Variants in FBXO11 observed in about 807,000 individuals in gnomAD.
The protein encoded by FBXO11 is F-box only protein 11.
FBXO11 carries 13 observed loss-of-function variants against 117.0 expected under a neutral mutation model. The ratio of observed to expected loss-of-function variants is 0.11; its 90% CI spans 0.07 to 0.18. The LOEUF (loss-of-function observed/expected upper bound fraction) is 0.18. Among genes scored for constraint, FBXO11 ranks in the 10% least tolerant of loss-of-function variants. FBXO11 has a pLI of 1.00. For missense variants in FBXO11, 767 were observed against 1,164.4 expected (o/e 0.66, Z 4.97); for synonymous variants, 490 against 380.5 (o/e 1.29, Z -3.35).
rs1670533716 is a variant in FBXO11, at chr2:47,810,446, T to G, written c.2228-20A>C. The G allele has an allele frequency of 6.6e-7, 1 of 1,524,906 alleles. No individual in the cohort carries two copies. The highest frequency in any genetic ancestry group is 1.4e-5 in the African/African-American group (1 of 72,644). 94.5% of individuals were successfully genotyped at this position (1,524,906 alleles called of 1,614,324 possible). On this transcript the variant is annotated intron_variant, in intron 18 of 22. Transcript: ENST00000403359. ...GGAGACCTATAATAAAATATTTCCT[T>G]AGATTAAGGCTAATGCATATAACAG... is the stretch of plus-strand genomic sequence containing the variant.
At position 47,836,355 on chromosome 2, in the gene FBXO11, T is replaced by C. The variant is rs970737351; in HGVS notation, c.588-354A>G. On this transcript the variant is annotated intron_variant, in intron 4 of 22. Transcript: ENST00000403359. ...TTAAAATTTTCAGTGTAGTTGCATA[T>C]GGAAATTATGTTTTTTTCCTTTTTT... 2.6e-5 allele frequency among the ~76,000 whole-genome samples: 4 copies of C among 152,216 alleles called. No individual in the cohort carries two copies. The South Asian group carries it at 6.2e-4, about 24-fold the overall frequency.
intron 1 of FBXO11, among the ~76,000 whole-genome samples, chr2:47,899,919 T>C (rs1292706390): frequency 6.7e-6 from 1 of 149,818 alleles, no homozygotes; most frequent in Non-Finnish European, 1.5e-5. Flanking sequence ...TACTGTAAAC[T>C]GGTTATTTTC....
intron 20 of FBXO11, 44 bp from the exon 21 acceptor site, chr2:47,809,310 A>G (rs781195526): frequency 1.1e-4 from 145 of 1,293,356 alleles, no homozygotes; most frequent in Non-Finnish European, 1.5e-4. Flanking sequence ...AGGAATGTTA[A>G]TATTTTAAAA....
intron 21 of FBXO11, 53 bp downstream of exon 21, chr2:47,809,105 A>C (rs145978463): frequency 3.4e-6 from 4 of 1,186,182 alleles, no homozygotes; most frequent in Non-Finnish European, 4.9e-6. Context: ...TTGCTAATTT[A>C]AAAAGGAAAT....
At chr2:47,893,885 T>C (rs1677452225) in intron 1 of FBXO11, among the ~76,000 whole-genome samples, 1 of 152,234 alleles carries the variant, frequency 6.6e-6, no homozygotes, top group African/African-American at 2.4e-5. Flanking sequence ...TGAATGTGGC[T>C]ATGTGTTGAA....
chr2:47,892,844 T>C (rs192268090), intron 1 of FBXO11, among the ~76,000 whole-genome samples: 91 of 152,288 alleles, frequency 6.0e-4, no homozygotes, highest in African/African-American at 2.1e-3. Context: ...GCAGTTAATT[T>C]TCTTATCTAG....
intron 1 of FBXO11, among the ~76,000 whole-genome samples, chr2:47,847,257 A>G (rs956371193): frequency 6.6e-6 from 1 of 152,134 alleles, no homozygotes; most frequent in Non-Finnish European, 1.5e-5. Context: ...ACAAACAAAC[A>G]AAAAGAAATT....
At chr2:47,830,177 G>C (rs1031136789) in intron 11 of FBXO11, among the ~76,000 whole-genome samples, 1 of 152,060 alleles carries the variant, frequency 6.6e-6, no homozygotes, top group Non-Finnish European at 1.5e-5. Context: ...TGGATACTGA[G>C]GTAGAAGAGC....
chr2:47,897,425 G>T (rs1572924612), intron 1 of FBXO11, among the ~76,000 whole-genome samples: 1 of 152,176 alleles, frequency 6.6e-6, no homozygotes, highest in South Asian at 2.1e-4. Flanking sequence ...GGTCGGGTGA[G>T]GTGGCTCACG....
chr2:47,879,574 C>T (rs564693101), intron 1 of FBXO11, among the ~76,000 whole-genome samples: 3 of 152,252 alleles, frequency 2.0e-5, no homozygotes, highest in East Asian at 1.9e-4. Context: ...TATCTTTGCT[C>T]GGTTTTTATG....
chr2:47,820,588 C>G, intron 13 of FBXO11, 132 bp from the exon 14 acceptor site: 2 of 646,800 alleles, frequency 3.1e-6, no homozygotes, highest in Non-Finnish European at 5.3e-6. Flanking sequence ...ATTAAGAGAA[C>G]TAGAAGTGTA....
At position 47,905,956 on chromosome 2, in the gene FBXO11, G is replaced by A. The variant is rs952013435; in HGVS notation, c.-236C>T. ...CGGCCGGGAGGGCCTGACGCACGGG[G>A]AAGGCCGAAGCCGCCGGGCGGGGCG... On this transcript the variant is annotated 5_prime_UTR_variant, in exon 1 of 23. Coordinates refer to ENST00000403359, the MANE Select transcript of FBXO11 (RefSeq NM_001190274.2). 3.6e-5 allele frequency: 16 copies of A among 439,036 alleles called. No homozygotes were observed. The highest frequency in any genetic ancestry group is 2.7e-4 in the African/African-American group (13 of 48,256). 27.2% of individuals were successfully genotyped at this position (439,036 alleles called of 1,614,324 possible).
At chr2:47,896,208 A>T (rs999246227) in intron 1 of FBXO11, among the ~76,000 whole-genome samples, 2 of 152,202 alleles carry the variant, frequency 1.3e-5, no homozygotes, top group African/African-American at 4.8e-5. Flanking sequence ...CAGGAAAAGA[A>T]ATAAACACGT....
chr2:47,835,775 G>A (rs1572812824), intron 5 of FBXO11, 97 bp downstream of exon 5: 1 of 925,228 alleles, frequency 1.1e-6, no homozygotes, highest in East Asian at 3.2e-5. Context: ...TGGGATTACA[G>A]GTGTGAGCCA....
In FBXO11 at chr2:47,834,635, C is replaced by A. The variant is rs1254551699; in HGVS notation, c.878G>T (p.Gly293Val). Residue 293 changes from glycine to valine, a missense_variant, in exon 7 of 23, where the codon GGA (glycine) becomes GTA (valine). By Grantham distance (109) the Gly-to-Val change is moderately radical (BLOSUM62 -3). This residue lies in a region of FBXO11 where 123 missense variants were observed against 145.0 expected (regional missense o/e 0.85). Coordinates refer to ENST00000403359, the MANE Select transcript of FBXO11 (RefSeq NM_001190274.2). ...ATATATCCATTCATCAGTATATATT[C>A]CAGAATGAACAAAGATAAGTCCATC... ...HFDGLIFVHS[G>V]IYTDEWIYIE... The A allele has an allele frequency of 6.2e-7, 1 of 1,607,728 alleles. No homozygotes were observed. Among genetic ancestry groups the A allele is most frequent in the African/African-American group, 1.3e-5 (1 of 74,670 alleles).
chr2:47,896,247 T>C (rs80226210), intron 1 of FBXO11, among the ~76,000 whole-genome samples: 21,237 of 151,920 alleles, frequency 0.14, 1,647 homozygotes, highest in Non-Finnish European at 0.18. Flanking sequence ...CAGGAATCCT[T>C]TACTCTCCCC....
chr2:47,888,061 T>C (rs888822326), intron 1 of FBXO11, among the ~76,000 whole-genome samples: 1 of 152,124 alleles, frequency 6.6e-6, no homozygotes, highest in Non-Finnish European at 1.5e-5. Context: ...TATATGTATG[T>C]ATTCTTTAAT....
At chr2:47,826,336 T>G (rs190551041) in intron 11 of FBXO11, among the ~76,000 whole-genome samples, 1 of 152,224 alleles carries the variant, frequency 6.6e-6, no homozygotes, top group Admixed American at 6.5e-5. Flanking sequence ...GGATTACAGG[T>G]GTGAGCCACC....
intron 1 of FBXO11, among the ~76,000 whole-genome samples, chr2:47,904,184 C>G (rs28394891): frequency 0.16 from 24,017 of 152,110 alleles, 2,031 homozygotes; most frequent in South Asian, 0.24. Context: ...AATCTCAATC[C>G]CTTTAACCAA....
Sources: allele counts gnomAD v4.1 joint callset (sites outside exome capture counted in the v4.1 genomes callset), GRCh38; gene constraint gnomAD v4.1.1; regional missense constraint gnomAD v4.1.1; transcripts MANE v1.5; gene names NCBI Gene and HGNC (gene_info 2026-07-23, HGNC 2026-07-21).